The following DACH1 variants were observed in gnomAD, a reference collection of about 807,000 sequenced individuals.
The protein encoded by DACH1 is dachshund homolog 1.
A neutral mutation model predicts 54.2 loss-of-function variants in DACH1; 12 were observed. The observed-to-expected ratio is 0.22, with a 90% CI of 0.14 to 0.36. The LOEUF is 0.36. Ranked by LOEUF, DACH1 falls within the 10% of genes least tolerant of loss-of-function variation. The pLI is 1.00. For missense variants in DACH1, 805 were observed against 929.8 expected, an observed-to-expected ratio of 0.87 and a Z score of 1.75; for synonymous variants, 386 against 366.2, an observed-to-expected ratio of 1.05 and a Z score of -0.62.
intron 6 of DACH1, among the ~76,000 whole-genome samples, chr13:71,556,790 A>G (rs1033152811): frequency 4.6e-5 from 7 of 152,008 alleles, no homozygotes; most frequent in African/African-American, 1.7e-4. Flanking sequence ...TTTTTAATGT[A>G]CTGGTAACTA....
intron 1 of DACH1, among the ~76,000 whole-genome samples, chr13:71,814,825 T>C (rs1476387920): frequency 6.6e-6 from 1 of 152,236 alleles, no homozygotes; most frequent in Non-Finnish European, 1.5e-5. Context: ...ATCATGAAGC[T>C]TTTTTTCATT....
At chr13:71,457,055 C>T (rs865999033) in intron 10 of DACH1, among the ~76,000 whole-genome samples, 2 of 151,980 alleles carry the variant, frequency 1.3e-5, no homozygotes, top group East Asian at 1.9e-4. Flanking sequence ...TACATGAGCA[C>T]GTTTTTCTTT....
intron 1 of DACH1, among the ~76,000 whole-genome samples, chr13:71,724,362 C>T (rs1883376110): frequency 6.6e-6 from 1 of 152,002 alleles, no homozygotes; most frequent in Admixed American, 6.6e-5. Context: ...AAACTTTCTG[C>T]CCTTTAGCAA....
intron 4 of DACH1, among the ~76,000 whole-genome samples, chr13:71,569,596 G>A (rs578217827): frequency 6.6e-6 from 1 of 152,184 alleles, no homozygotes; most frequent in South Asian, 2.1e-4. Flanking sequence ...TCCATTTCAT[G>A]TACTGGCATT....
chr13:71,560,104 T>C (rs1053630822), intron 4 of DACH1, 149 bp from the exon 5 acceptor site: 43 of 944,804 alleles, frequency 4.6e-5, no homozygotes, highest in Middle Eastern at 6.9e-4. Flanking sequence ...CTAAAAGATA[T>C]GTTTATCTTG....
chr13:71,496,713 T>C (rs1041148392), intron 6 of DACH1, among the ~76,000 whole-genome samples: 7 of 151,862 alleles, frequency 4.6e-5, no homozygotes, highest in Non-Finnish European at 8.8e-5. Context: ...TATATACAGA[T>C]AAAAAAAGGA....
intron 6 of DACH1, among the ~76,000 whole-genome samples, chr13:71,552,186 G>T (rs1242888894): frequency 6.6e-6 from 1 of 152,126 alleles, no homozygotes; most frequent in African/African-American, 2.4e-5. Context: ...GAGAGACAGA[G>T]AAAGAGAGCG....
chr13:71,659,373 A>G (rs577651845), intron 2 of DACH1, among the ~76,000 whole-genome samples: 13 of 152,192 alleles, frequency 8.5e-5, no homozygotes, highest in Non-Finnish European at 1.9e-4. Flanking sequence ...TTCACACTGT[A>G]GAGCTGTTAG....
intron 6 of DACH1, among the ~76,000 whole-genome samples, chr13:71,537,184 A>G (rs1882860970): frequency 1.3e-5 from 2 of 151,888 alleles, no homozygotes; most frequent in Admixed American, 1.3e-4. Context: ...GAGGGCTTTG[A>G]GCCTGCTGGT....
intron 6 of DACH1, among the ~76,000 whole-genome samples, chr13:71,515,023 A>C (rs1463878118): frequency 2.6e-5 from 4 of 151,706 alleles, no homozygotes; most frequent in African/African-American, 9.7e-5. Context: ...TTTTTATTTG[A>C]TTTTGCACAA....
intron 2 of DACH1, among the ~76,000 whole-genome samples, chr13:71,664,899 A>G (rs1014314973): frequency 3.3e-5 from 5 of 152,074 alleles, no homozygotes; most frequent in African/African-American, 1.2e-4. Flanking sequence ...TTCTGGAGCC[A>G]AAGAGCTTAT....
At chr13:71,701,741 TG>T (rs1882146534) in intron 1 of DACH1, among the ~76,000 whole-genome samples, 1 of 152,068 alleles carries the variant, frequency 6.6e-6, no homozygotes, top group Non-Finnish European at 1.5e-5. Context: ...TGATAAAATA[TG>T]GGTAAGTAAA....
intron 3 of DACH1, among the ~76,000 whole-genome samples, chr13:71,594,406 T>C (rs1873947002): frequency 6.6e-6 from 1 of 152,062 alleles, no homozygotes; most frequent in Non-Finnish European, 1.5e-5. Flanking sequence ...GGAAACACCA[T>C]TTTACTTTTA....
chr13:71,644,264 ATAAT>A (rs1878119997), intron 2 of DACH1, among the ~76,000 whole-genome samples: 2 of 152,248 alleles, frequency 1.3e-5, no homozygotes, highest in Admixed American at 6.5e-5. Context: ...TAGTAGCAAA[ATAAT>A]TAATTGATAT....
intron 1 of DACH1, among the ~76,000 whole-genome samples, chr13:71,788,383 G>T (rs1053797660): frequency 1.3e-5 from 2 of 152,044 alleles, no homozygotes; most frequent in Non-Finnish European, 2.9e-5. Context: ...TTTTATATGT[G>T]TGAGTATCTG....
chr13:71,588,914 T>A (rs1873481053), intron 3 of DACH1, among the ~76,000 whole-genome samples: 2 of 151,980 alleles, frequency 1.3e-5, no homozygotes, highest in Non-Finnish European at 2.9e-5. Context: ...TGGAGCAAGT[T>A]GTTTAAATAT....
chr13:71,761,953 G>A (rs563821670), intron 1 of DACH1, among the ~76,000 whole-genome samples: 3 of 152,162 alleles, frequency 2.0e-5, no homozygotes, highest in African/African-American at 7.2e-5. Flanking sequence ...AAATGTGGAT[G>A]ATTTAACTAG....
At chr13:71,486,282 A>T (rs1239331122) in intron 7 of DACH1, among the ~76,000 whole-genome samples, 2 of 152,092 alleles carry the variant, frequency 1.3e-5, no homozygotes, top group African/African-American at 4.8e-5. Flanking sequence ...GGAACTTTAA[A>T]CTTACTACAC....
At chr13:71,694,111 C>T (rs1881684454) in intron 1 of DACH1, among the ~76,000 whole-genome samples, 1 of 152,190 alleles carries the variant, frequency 6.6e-6, no homozygotes, top group African/African-American at 2.4e-5. Flanking sequence ...ACCTAAAATG[C>T]ATGTTTTCAC....
Sources: gnomAD v4.1 joint callset for allele counts (sites outside exome capture counted in the v4.1 genomes callset) on GRCh38, gnomAD v4.1.1 for gene constraint, MANE v1.5 for transcripts, NCBI Gene and HGNC (gene_info 2026-07-23, HGNC 2026-07-21) for gene names.